Variants in FAT3 observed in about 807,000 individuals in gnomAD.
FAT3 encodes FAT atypical cadherin 3, also known as protocadherin Fat 3.
FAT3 carries 95 observed loss-of-function variants against 310.2 expected under a neutral mutation model. That is an observed-to-expected ratio of 0.31 (90% CI 0.26 to 0.36). The LOEUF (loss-of-function observed/expected upper bound fraction) is 0.36. Ranked by LOEUF, FAT3 falls within the 10% of genes least tolerant of loss-of-function variation. The pLI, the probability that FAT3 is intolerant of heterozygous loss-of-function variation, is 1.00. For synonymous variants in FAT3, 2,314 were observed against 2,192.9 expected, an observed-to-expected ratio of 1.06 and a Z score of -1.54; for missense variants, 5,408 against 5,715.6, an observed-to-expected ratio of 0.95 and a Z score of 1.74.
At chr11:92,790,366 T>C (rs2136156736) in intron 8 of FAT3, 148 bp downstream of exon 8, 2 of 973,518 alleles carry the variant, frequency 2.1e-6, no homozygotes, top group Middle Eastern at 2.7e-4. Flanking sequence ...ATTTTTGCCT[T>C]TTTATTTCAA....
chr11:92,435,094 C>A (rs755083948), intron 2 of FAT3, among the ~76,000 whole-genome samples: 1 of 152,106 alleles, frequency 6.6e-6, no homozygotes, highest in African/African-American at 2.4e-5. Context: ...TATATCCTCC[C>A]CCTTAATGAC....
Position 92,799,460 on chromosome 11 carries a change from G to T in FAT3, c.6447G>T (p.Leu2149Phe), listed in dbSNP as rs764801933. The change falls in exon 10 of 28, where the codon TTG becomes TTT. Residue 2149 changes from leucine to phenylalanine, a missense_variant. By Grantham distance (22) the Leu-to-Phe change is conservative (BLOSUM62 0). Transcript: ENST00000525166. ...TAAAGGAAGCATTCAACTCTGACTT[G>T]TCCAACATTGAGTATGGAGTCACCA... ...VILKEAFNSD[L>F]SNIEYGVTIL... 1 of 1,613,660 alleles carries T rather than the reference G, an allele frequency of 6.2e-7. No individual in the cohort carries two copies. The highest frequency in any genetic ancestry group is 8.5e-7 in the Non-Finnish European group (1 of 1,179,786).
intron 3 of FAT3, among the ~76,000 whole-genome samples, chr11:92,658,144 T>C (rs1034695428): frequency 1.1e-4 from 17 of 152,228 alleles, no homozygotes; most frequent in African/African-American, 4.1e-4. Flanking sequence ...CATTTTACGC[T>C]AACAGCACAT....
At chr11:92,426,831 T>C (rs1455611628) in intron 2 of FAT3, among the ~76,000 whole-genome samples, 1 of 152,226 alleles carries the variant, frequency 6.6e-6, no homozygotes, top group Non-Finnish European at 1.5e-5. Flanking sequence ...CTTCGTTCTT[T>C]TTGCTTAGGG....
At position 92,456,900 on chromosome 11, in the gene FAT3, C is replaced by T. The variant is rs564411449; in HGVS notation, c.3293-67734C>T. 1.2e-4 allele frequency among the ~76,000 whole-genome samples: 18 copies of T among 152,254 alleles called. No homozygotes were observed. In the South Asian group the frequency reaches 1.9e-3, roughly 16 times the overall value. ...CTAGGATGAGACTGCCTTATGCCTA[C>T]ATGACCATGGATGCCTGGGTAAAGA... On this transcript the variant is annotated intron_variant, in intron 2 of 27. Coordinates refer to ENST00000525166, the MANE Select transcript of FAT3 (RefSeq NM_001367949.2).
chr11:92,793,084 A>C, intron 9 of FAT3, 107 bp downstream of exon 9: 1 of 1,233,058 alleles, frequency 8.1e-7, no homozygotes. Flanking sequence ...GAACATCTCT[A>C]AATGAACTTT....
chr11:92,336,891 A>G (rs79158445), intron 1 of FAT3, among the ~76,000 whole-genome samples: 1 of 152,276 alleles, frequency 6.6e-6, no homozygotes, highest in South Asian at 2.1e-4. Flanking sequence ...TTGGTCTTCC[A>G]TTAAAACCCT....
chr11:92,229,635 T>A (rs985057831), intron 1 of FAT3, among the ~76,000 whole-genome samples: 1 of 151,572 alleles, frequency 6.6e-6, no homozygotes, highest in African/African-American at 2.4e-5. Context: ...AGAACATATT[T>A]GACACTTGTC....
intron 3 of FAT3, among the ~76,000 whole-genome samples, chr11:92,623,714 C>T (rs920462702): frequency 7.9e-5 from 12 of 152,028 alleles, no homozygotes; most frequent in Admixed American, 7.9e-4. Flanking sequence ...GAGGCCAAGG[C>T]GGGTGGATCA....
Position 92,702,865 on chromosome 11 carries a change from A to G in FAT3, c.3669+5420A>G, listed in dbSNP as rs137891560. ...GAGAGTGTTTTTTATTTGCAAATCAAAAAAAAATTAAAAAGAAGATGACAA... is the reference window on the plus strand; with the variant it reads ...GAGAGTGTTTTTTATTTGCAAATCAGAAAAAAATTAAAAAGAAGATGACAA... On this transcript the variant is annotated intron_variant, in intron 4 of 27. Transcript: ENST00000525166. Among the ~76,000 whole-genome samples, 956 of 152,170 alleles carry G rather than the reference A, an allele frequency of 6.3e-3. 5 individuals are homozygous for G. The highest frequency in any genetic ancestry group is 0.022 in the African/African-American group (896 of 41,524).
At chr11:92,364,335 T>C (rs1948958829) in intron 2 of FAT3, among the ~76,000 whole-genome samples, 1 of 152,192 alleles carries the variant, frequency 6.6e-6, no homozygotes, top group Non-Finnish European at 1.5e-5. Flanking sequence ...AGAAGCCTAG[T>C]AAGCATAGAT....
At position 92,869,194 on chromosome 11, in the gene FAT3, A is replaced by G. The variant is rs556120328; in HGVS notation, c.12127+1985A>G. ...GAAGATGGTATCTTTCCTCACCTTC[A>G]TCTACACAGTTCCCTTCTCACAGGC... On this transcript the variant is annotated intron_variant, in intron 22 of 27. Transcript: ENST00000525166. 7.2e-5 allele frequency among the ~76,000 whole-genome samples: 11 copies of G among 152,338 alleles called. No homozygotes were observed. In the South Asian group the frequency reaches 2.3e-3, roughly 32 times the overall value.
intron 3 of FAT3, among the ~76,000 whole-genome samples, chr11:92,561,574 G>A (rs1389135188): frequency 2.0e-5 from 3 of 151,680 alleles, no homozygotes; most frequent in African/African-American, 7.3e-5. Flanking sequence ...TTTCAAACTG[G>A]CATCAACATT....
intron 3 of FAT3, among the ~76,000 whole-genome samples, chr11:92,687,548 G>A (rs1455593214): frequency 1.3e-5 from 2 of 152,184 alleles, no homozygotes; most frequent in African/African-American, 4.8e-5. Context: ...GTTGTCTAGG[G>A]TGTGTGTTAG....
intron 1 of FAT3, among the ~76,000 whole-genome samples, chr11:92,334,255 G>A (rs767721770): frequency 9.2e-5 from 14 of 151,982 alleles, no homozygotes; most frequent in Non-Finnish European, 1.5e-4. Flanking sequence ...ATGCACCTGT[G>A]GTCCCAGCTA....
Position 92,801,574 on chromosome 11 carries a change from A to G in FAT3, c.8561A>G (p.His2854Arg). 1 of 1,609,228 alleles carries G rather than the reference A, an allele frequency of 6.2e-7. No homozygotes were observed. The highest frequency in any genetic ancestry group is 1.1e-5 in the South Asian group (1 of 90,154). ...GANGQVTYSL[H>R]SDSQPEKVME... The stretch of plus-strand genomic sequence containing the variant: ...AATGGACAAGTCACTTACTCCCTCC[A>G]CTCGGATTCCCAGCCCGAAAAGGTA... The change falls in exon 10 of 28, where the codon CAC becomes CGC. Residue 2854 changes from histidine to arginine, a missense_variant. Around this residue, in one of 5 missense-constraint regions of FAT3, gnomAD observed 4,588 missense variants for 4,809.8 expected, o/e 0.95. Coordinates refer to ENST00000525166, the MANE Select transcript of FAT3 (RefSeq NM_001367949.2).
chr11:92,373,827 T>C (rs1489245373), intron 2 of FAT3, among the ~76,000 whole-genome samples: 1 of 149,068 alleles, frequency 6.7e-6, no homozygotes, highest in African/African-American at 2.5e-5. Context: ...TAGATAGATA[T>C]GGATATAGAT....
At chr11:92,803,208 T>C (rs748769715) in intron 10 of FAT3, among the ~76,000 whole-genome samples, 19 of 152,214 alleles carry the variant, frequency 1.2e-4, no homozygotes, top group Non-Finnish European at 2.6e-4. Flanking sequence ...TAATTATTTA[T>C]AGATAGCCTC....
intron 4 of FAT3, among the ~76,000 whole-genome samples, chr11:92,700,903 T>TC (rs900165948): frequency 6.6e-6 from 1 of 152,176 alleles, no homozygotes; most frequent in African/African-American, 2.4e-5. Flanking sequence ...TTTGAACATT[T>TC]CTTTTTTTTC....
Sources: gnomAD v4.1 joint callset for allele counts (sites outside exome capture counted in the v4.1 genomes callset) on GRCh38, gnomAD v4.1.1 for gene constraint, gnomAD v4.1.1 regional missense constraint, MANE v1.5 for transcripts, NCBI Gene and HGNC (gene_info 2026-07-23, HGNC 2026-07-21) for gene names.